Variants in TMEM132C observed in about 807,000 individuals in gnomAD.
The protein encoded by TMEM132C is transmembrane protein 132C.
Under a neutral mutation model 61.4 loss-of-function variants are expected in TMEM132C, and 29 were observed. The ratio of observed to expected loss-of-function variants is 0.47; its 90% CI spans 0.35 to 0.64. TMEM132C has a LOEUF of 0.64. TMEM132C is among the 30% of genes least tolerant of loss of function. TMEM132C has a pLI of 0.00. For synonymous variants in TMEM132C, 656 were observed against 633.1 expected (o/e 1.04, Z -0.54); for missense variants, 1,408 against 1,476.9 (o/e 0.95, Z 0.76).
chr12:128,300,096 G>A (rs1055910479), intron 1 of TMEM132C, among the ~76,000 whole-genome samples: 1 of 152,240 alleles, frequency 6.6e-6, no homozygotes, highest in African/African-American at 2.4e-5. Flanking sequence ...GATCAAAGCA[G>A]GTGGTGCTTT....
chr12:128,349,605 C>G (rs1369458474), intron 1 of TMEM132C, among the ~76,000 whole-genome samples: 2 of 152,130 alleles, frequency 1.3e-5, no homozygotes. Flanking sequence ...AAATTGCCCC[C>G]AAATTTATTC....
chr12:128,337,156 C>T (rs1257256486), intron 1 of TMEM132C, among the ~76,000 whole-genome samples: 1 of 151,866 alleles, frequency 6.6e-6, no homozygotes, highest in Non-Finnish European at 1.5e-5. Flanking sequence ...TTTTCTTCTT[C>T]CCTTTTTTTT....
At chr12:128,511,542 G>A (rs1027767142) in intron 2 of TMEM132C, among the ~76,000 whole-genome samples, 7 of 152,162 alleles carry the variant, frequency 4.6e-5, no homozygotes, top group African/African-American at 7.2e-5. Flanking sequence ...AGTCCAAGAC[G>A]ACACCAAATG....
intron 1 of TMEM132C, among the ~76,000 whole-genome samples, chr12:128,311,789 G>GC (rs1388997891): frequency 6.6e-6 from 1 of 152,212 alleles, no homozygotes; most frequent in Admixed American, 6.5e-5. Flanking sequence ...GGCCAGCGAG[G>GC]CCCCACCTCT....
chr12:128,367,112 A>G (rs1873894649), intron 1 of TMEM132C, among the ~76,000 whole-genome samples: 4 of 152,204 alleles, frequency 2.6e-5, no homozygotes, highest in Admixed American at 2.6e-4. Flanking sequence ...AAAGGCCCTG[A>G]GGTAGGTGAA....
chr12:128,620,889 G>C (rs1213657448), intron 4 of TMEM132C, among the ~76,000 whole-genome samples: 1 of 151,954 alleles, frequency 6.6e-6, no homozygotes, highest in Non-Finnish European at 1.5e-5. Context: ...GCAATCAGTA[G>C]GGTTGTTTAA....
intron 1 of TMEM132C, among the ~76,000 whole-genome samples, chr12:128,374,917 T>G (rs1281684687): frequency 7.3e-5 from 1 of 13,742 alleles, no homozygotes. Flanking sequence ...TCCGTCTGTC[T>G]CAAAAAAAAA....
intron 2 of TMEM132C, among the ~76,000 whole-genome samples, chr12:128,468,579 A>G (rs1484164749): frequency 6.6e-6 from 1 of 152,114 alleles, no homozygotes; most frequent in African/African-American, 2.4e-5. Context: ...TCGGCCTCCC[A>G]AAGTGCTGGG....
At chr12:128,349,390 C>T (rs900975923) in intron 1 of TMEM132C, among the ~76,000 whole-genome samples, 2 of 152,126 alleles carry the variant, frequency 1.3e-5, no homozygotes, top group African/African-American at 2.4e-5. Context: ...CATGAGTGGC[C>T]CTTGGCATGC....
intron 2 of TMEM132C, among the ~76,000 whole-genome samples, chr12:128,427,811 G>A (rs900010602): frequency 6.6e-6 from 1 of 152,162 alleles, no homozygotes; most frequent in South Asian, 2.1e-4. Context: ...GATGTTCCTC[G>A]AAAATACCAG....
At chr12:128,283,399 G>A (rs1035108902) in intron 1 of TMEM132C, among the ~76,000 whole-genome samples, 9 of 152,150 alleles carry the variant, frequency 5.9e-5, no homozygotes, top group African/African-American at 2.2e-4. Context: ...CTCTGCATGT[G>A]CTCATGACTA....
chr12:128,566,974 A>G lies in TMEM132C; in HGVS notation c.1121+22871A>G, dbSNP rs533169603. ...CATTATCATTGTGCTTAATGTTGGT[A>G]TAGTTGTGGTTATTGTGTTGCTTTT... On this transcript the variant is annotated intron_variant, in intron 3 of 8. Coordinates refer to ENST00000435159, the MANE Select transcript of TMEM132C (RefSeq NM_001136103.3). Among the ~76,000 whole-genome samples, 6 of 152,322 alleles carry G rather than the reference A, an allele frequency of 3.9e-5. No individual in the cohort carries two copies. In the South Asian group the frequency reaches 1.2e-3, roughly 32 times the overall value.
chr12:128,276,977 A>C (rs981234820), intron 1 of TMEM132C, among the ~76,000 whole-genome samples: 7 of 150,336 alleles, frequency 4.7e-5, no homozygotes, highest in African/African-American at 1.7e-4. Flanking sequence ...TTTAAGACAA[A>C]ACAAACAAAC....
intron 1 of TMEM132C, among the ~76,000 whole-genome samples, chr12:128,362,270 T>C (rs1172266895): frequency 1.3e-5 from 2 of 152,046 alleles, no homozygotes; most frequent in Non-Finnish European, 2.9e-5. Flanking sequence ...GTCAGTATGA[T>C]CTGGAGATGG....
intron 4 of TMEM132C, among the ~76,000 whole-genome samples, chr12:128,644,549 A>G (rs940672900): frequency 2.0e-5 from 3 of 152,250 alleles, no homozygotes; most frequent in African/African-American, 7.2e-5. Context: ...TAAAAAAGGC[A>G]AAACTATAGG....
chr12:128,472,274 C>T (rs1278015409), intron 2 of TMEM132C, among the ~76,000 whole-genome samples: 1 of 152,160 alleles, frequency 6.6e-6, no homozygotes, highest in Non-Finnish European at 1.5e-5. Context: ...GTCTTTTCAC[C>T]TGTCTGGCCA....
At chr12:128,467,154 T>G (rs968817219) in intron 2 of TMEM132C, among the ~76,000 whole-genome samples, 4 of 152,220 alleles carry the variant, frequency 2.6e-5, no homozygotes, top group Non-Finnish European at 5.9e-5. Context: ...GTTGCTAATT[T>G]GATAGAAAAT....
rs751887373 is a variant in TMEM132C at position 128,382,943 on chromosome 12, G to GGTGT, written c.86-31782_86-31779dup. 2.2e-3 allele frequency among the ~76,000 whole-genome samples: 339 copies of GGTGT among 151,124 alleles called. 2 individuals are homozygous for GGTGT. The highest frequency in any genetic ancestry group is 1.9e-3 in the Non-Finnish European group (131 of 67,578). ...TTGTGTGTGTGAATCTGTGTATGTG[G>GGTGT]GTGTGTGTGTATGTATGTGTGTGTG... On this transcript the variant is annotated intron_variant, in intron 1 of 8. Coordinates refer to ENST00000435159, the MANE Select transcript of TMEM132C (RefSeq NM_001136103.3).
Position 128,325,779 on chromosome 12 carries a change from C to G in TMEM132C, c.85+58292C>G, listed in dbSNP as rs556641736. On this transcript the variant is annotated intron_variant, in intron 1 of 8. Transcript: ENST00000435159. Reference sequence around the variant, plus strand: ...CCCCAGTTGGATCCTGCTGTTCCCCCATTTGGTGACCTGGAAGGATCACCA... The same window carrying G: ...CCCCAGTTGGATCCTGCTGTTCCCCGATTTGGTGACCTGGAAGGATCACCA... Among the ~76,000 whole-genome samples the G allele has an allele frequency of 1.6e-4, 24 of 152,270 alleles. No individual in the cohort carries two copies. The East Asian group carries it at 4.6e-3, about 29-fold the overall frequency.
Sources: allele counts gnomAD v4.1 joint callset (sites outside exome capture counted in the v4.1 genomes callset), GRCh38; gene constraint gnomAD v4.1.1; transcripts MANE v1.5; gene names NCBI Gene and HGNC (gene_info 2026-07-23, HGNC 2026-07-21).